SLC23A2: variants seen among roughly 807,000 people sequenced by gnomAD.
SLC23A2 encodes the protein solute carrier family 23 member 2.
Under a neutral mutation model 73.3 loss-of-function variants are expected in SLC23A2, and 36 were observed. That is an observed-to-expected ratio of 0.49 (90% CI 0.38 to 0.65). SLC23A2 has a LOEUF of 0.65. Ranked by LOEUF, SLC23A2 falls within the 30% of genes least tolerant of loss-of-function variation. The pLI, the probability that SLC23A2 is intolerant of heterozygous loss-of-function variation, is 0.00. For synonymous variants in SLC23A2, 343 were observed against 327.3 expected, an observed-to-expected ratio of 1.05 and a Z score of -0.52; for missense variants, 507 against 841.6, an observed-to-expected ratio of 0.60 and a Z score of 4.92.
rs189674935 is a variant in SLC23A2, at chr20:4,929,097, A to C, written c.108+3358T>G. Among the ~76,000 whole-genome samples the C allele has an allele frequency of 1.3e-4, 20 of 152,018 alleles. 1 individual carries two copies. The highest frequency in any genetic ancestry group is 1.2e-3 in the Admixed American group (19 of 15,250). ...GAAATGCCATCTCTAAATTTAAAAA[A>C]TATATATATACACAAAAATGTAGCC... is the stretch of plus-strand genomic sequence containing the variant. On this transcript the variant is annotated intron_variant, in intron 3 of 16. Transcript: ENST00000338244.
At chr20:4,955,712 C>T (rs1352552462) in intron 2 of SLC23A2, among the ~76,000 whole-genome samples, 3 of 152,008 alleles carry the variant, frequency 2.0e-5, no homozygotes, top group East Asian at 1.9e-4. Flanking sequence ...ATCGCTTGAG[C>T]GTGGAGGTCG....
chr20:4,934,917 G>A (rs898384609), intron 2 of SLC23A2, among the ~76,000 whole-genome samples: 1 of 151,560 alleles, frequency 6.6e-6, no homozygotes, highest in African/African-American at 2.4e-5. Context: ...GCTGGGCACA[G>A]TGGCTCATGC....
intron 16 of SLC23A2, among the ~76,000 whole-genome samples, 181 bp downstream of exon 16, chr20:4,859,108 A>G (rs931287494): frequency 6.6e-6 from 1 of 152,250 alleles, no homozygotes. Flanking sequence ...TTATGTAGCA[A>G]AAAACTGATT....
chr20:4,912,293 C>G (rs1167426235), intron 4 of SLC23A2, among the ~76,000 whole-genome samples: 5 of 152,050 alleles, frequency 3.3e-5, no homozygotes, highest in African/African-American at 1.2e-4. Flanking sequence ...TTTCCATTGG[C>G]ACACTAAGGT....
Position 4,863,049 on chromosome 20 carries a change from A to G in SLC23A2, c.1357-142T>C. ...TCCTCAGCCCACTCTTCTCACCTCC[A>G]CTGTGGGGACCCTGAGGGCCGCCCT... On this transcript the variant is annotated intron_variant, in intron 13 of 16. Transcript: ENST00000338244. The surrounding 1 kb of genome is among the most constrained non-coding windows in gnomAD (Gnocchi z 4.8). 1.3e-6 allele frequency: 1 copy of G among 761,952 alleles called. No individual in the cohort carries two copies. The allele number at this position is 761,952 out of a possible 1,614,324, so 47.2% of individuals were successfully genotyped here. A position where few individuals can be genotyped will look rare whatever the true frequency, so the allele number is the denominator to read the frequency against.
intron 3 of SLC23A2, among the ~76,000 whole-genome samples, chr20:4,931,455 A>G (rs536068677): frequency 1.5e-4 from 23 of 152,278 alleles, no homozygotes; most frequent in African/African-American, 4.8e-4. Flanking sequence ...TGCAACATTG[A>G]TAATAATAAC....
intron 5 of SLC23A2, among the ~76,000 whole-genome samples, chr20:4,900,749 C>T (rs975016807): frequency 6.6e-6 from 1 of 151,950 alleles, no homozygotes; most frequent in Non-Finnish European, 1.5e-5. Context: ...GTCCCCCCAA[C>T]CCCCCGCCAC....
intron 3 of SLC23A2, among the ~76,000 whole-genome samples, chr20:4,918,076 A>G (rs1043036028): frequency 3.9e-5 from 6 of 152,234 alleles, no homozygotes; most frequent in Admixed American, 3.9e-4. Flanking sequence ...TGATGATAGT[A>G]GCAAAGCTTC....
intron 2 of SLC23A2, among the ~76,000 whole-genome samples, chr20:4,934,853 ACT>A (rs1176620693): frequency 4.0e-5 from 6 of 149,060 alleles, no homozygotes; most frequent in African/African-American, 1.2e-4. Context: ...AAAGAGTGAG[ACT>A]CTGTCTAAAA....
Position 4,994,829 on chromosome 20 carries a change from G to C in SLC23A2, c.-282+6577C>G, listed in dbSNP as rs2087991838. On this transcript the variant is annotated intron_variant, in intron 1 of 16. Transcript: ENST00000338244. ...AGTGACCGTAATCCCAACTACTCAG[G>C]AGGCTGAGGCAGGAGAATCGCTTGA... 2.0e-5 allele frequency among the ~76,000 whole-genome samples: 3 copies of C among 152,102 alleles called. No individual in the cohort carries two copies. The South Asian group carries it at 6.2e-4, about 32-fold the overall frequency.
upstream of SLC23A2, among the ~76,000 whole-genome samples, chr20:5,003,384 A>AAAAAC (rs56329268): frequency 1.5e-4 from 23 of 152,292 alleles, no homozygotes; most frequent in South Asian, 1.9e-3. Flanking sequence ...ACTCCGTCTC[A>AAAAAC]AAAACAAAAC....
intron 9 of SLC23A2, among the ~76,000 whole-genome samples, chr20:4,882,762 T>C (rs987234128): frequency 1.3e-5 from 2 of 152,232 alleles, no homozygotes; most frequent in Non-Finnish European, 2.9e-5. Context: ...AAAGGACTGA[T>C]GCATAGTAAA....
intron 2 of SLC23A2, among the ~76,000 whole-genome samples, chr20:4,939,104 A>G (rs567057811): frequency 6.3e-4 from 96 of 152,342 alleles, no homozygotes; most frequent in African/African-American, 1.8e-3. Context: ...TAAAATTTTA[A>G]AAGATGATTG....
rs1930077902 is a variant in SLC23A2 at position 4,863,685 on chromosome 20, G to A, written c.1357-778C>T. Among the ~76,000 whole-genome samples the A allele has an allele frequency of 6.6e-6, 1 of 152,046 alleles. No individual in the cohort carries two copies. Among genetic ancestry groups the A allele is most frequent in the South Asian group, 2.1e-4 (1 of 4,822 alleles). On this transcript the variant is annotated intron_variant, in intron 13 of 16. Transcript: ENST00000338244. This position sits in a 1 kb window ranked among gnomAD's most constrained non-coding sequence, Gnocchi z 4.8. The stretch of plus-strand genomic sequence containing the variant: ...GCTGGTCCCCTGCTTGCATCCTCTG[G>A]TACTCATGAAATAAAGCCCACTTCT...
intron 13 of SLC23A2, among the ~76,000 whole-genome samples, chr20:4,866,589 G>T (rs1056874699): frequency 5.9e-5 from 9 of 152,222 alleles, no homozygotes; most frequent in Non-Finnish European, 1.0e-4. Flanking sequence ...ACAGGCAGAT[G>T]GGGCCATTGG....
Position 4,870,035 on chromosome 20 carries a change from G to A in SLC23A2, c.1121C>T (p.Thr374Ile), listed in dbSNP as rs774122374. 5 of 1,610,334 alleles carry A rather than the reference G, an allele frequency of 3.1e-6. No individual in the cohort carries two copies. In the Admixed American group the frequency reaches 6.7e-5, roughly 22 times the overall value. Residue 374 changes from threonine (T) to isoleucine (I), a missense_variant, in exon 12 of 17, where the codon ACC (threonine) becomes ATC (isoleucine). This residue lies in a region of SLC23A2 where 217 missense variants were observed against 398.0 expected (regional missense o/e 0.55). Transcript: ENST00000338244. ...GCCGATGACACCGGCCGCAGACACGGTGGGCAGTCCCCACTGAACTGTGGG... is the reference window on the plus strand; with the variant it reads ...GCCGATGACACCGGCCGCAGACACGATGGGCAGTCCCCACTGAACTGTGGG... ...VPYPFQWGLP[T>I]VSAAGVIGML...
chr20:4,968,142 A>T (rs933909396), intron 2 of SLC23A2, among the ~76,000 whole-genome samples: 2 of 152,194 alleles, frequency 1.3e-5, no homozygotes, highest in Non-Finnish European at 2.9e-5. Flanking sequence ...CAGAGAAAAC[A>T]CATACAACCA....
chr20:4,909,263 C>A (rs1033273664), intron 4 of SLC23A2, among the ~76,000 whole-genome samples: 8 of 152,160 alleles, frequency 5.3e-5, no homozygotes, highest in African/African-American at 1.9e-4. Flanking sequence ...ATCCAAAATG[C>A]TCCAATGAGC....
Position 4,856,099 on chromosome 20 carries a change from C to T in SLC23A2, c.*873G>A, listed in dbSNP as rs968980999. 1.3e-5 allele frequency: 2 copies of T among 152,250 alleles called. No individual in the cohort carries two copies. The highest frequency in any genetic ancestry group is 4.8e-5 in the African/African-American group (2 of 41,404). 9.4% of individuals were successfully genotyped at this position (152,250 alleles called of 1,614,324 possible). A position where few individuals can be genotyped will look rare whatever the true frequency, so the allele number is the denominator to read the frequency against. On this transcript the variant is annotated 3_prime_UTR_variant, in exon 17 of 17. Transcript: ENST00000338244. This position sits in a 1 kb window ranked among gnomAD's most constrained non-coding sequence, Gnocchi z 4.6. ...AAAACCTTGTAATTATAGACGCGCG[C>T]GACAATAACATCCACATGACGGCAG...
Sources: allele counts gnomAD v4.1 joint callset (sites outside exome capture counted in the v4.1 genomes callset), GRCh38; gene constraint gnomAD v4.1.1; regional missense constraint gnomAD v4.1.1; non-coding constraint Gnocchi (gnomAD v3.1); transcripts MANE v1.5; gene names NCBI Gene and HGNC (gene_info 2026-07-23, HGNC 2026-07-21).